Variants in HS6ST2 observed in about 807,000 individuals in gnomAD.
HS6ST2 encodes heparan sulfate 6-O-sulfotransferase 2.
HS6ST2 carries 17 observed loss-of-function variants against 33.0 expected under a neutral mutation model. The ratio of observed to expected loss-of-function variants is 0.52; its 90% CI spans 0.35 to 0.77. HS6ST2 has a LOEUF of 0.77. HS6ST2 is among the 30% of genes least tolerant of loss of function. The probability of loss-of-function intolerance (pLI) is 0.01; values close to 1 mark genes in which losing one functional copy is unlikely to be tolerated. For synonymous variants in HS6ST2, 248 were observed against 237.1 expected, an observed-to-expected ratio of 1.05 and a Z score of -0.42; for missense variants, 519 against 551.7, an observed-to-expected ratio of 0.94 and a Z score of 0.59.
At position 132,768,229 on chromosome X, in the gene HS6ST2, C is replaced by T. The variant is rs761045680; in HGVS notation, c.948-59735G>A. Among the ~76,000 whole-genome samples the T allele has an allele frequency of 9.6e-5, 10 of 104,428 alleles. No individual in the cohort carries two copies. The South Asian group carries it at 1.9e-3, about 20-fold the overall frequency. The allele number at this position is 104,428 out of a possible 115,157, so 90.7% of individuals were successfully genotyped here. A position where few individuals can be genotyped will look rare whatever the true frequency, so the allele number is the denominator to read the frequency against. On this transcript the variant is annotated intron_variant, in intron 2 of 4. Coordinates refer to ENST00000370833, the MANE Select transcript of HS6ST2 (RefSeq NM_001394073.1). Reference sequence around the variant, plus strand: ...GTGGACACCTTTAGTCCCAGCTACTCGGGGGCTAGGGTGGGAGAATCACTT... The same window carrying T: ...GTGGACACCTTTAGTCCCAGCTACTTGGGGGCTAGGGTGGGAGAATCACTT...
chrX:132,724,008 C>T (rs1014086756), intron 2 of HS6ST2, among the ~76,000 whole-genome samples: 3 of 111,240 alleles, frequency 2.7e-5, no homozygotes, highest in South Asian at 7.6e-4. Context: ...GGTGTGGTGG[C>T]GGGCGCCTGT....
intron 2 of HS6ST2, among the ~76,000 whole-genome samples, chrX:132,931,352 C>A (rs2066766866): frequency 8.9e-6 from 1 of 111,827 alleles, no homozygotes; most frequent in Admixed American, 9.5e-5. Flanking sequence ...TCCAGGCAAG[C>A]ATGGCCAAGA....
At chrX:132,746,419 C>T (rs1416581814) in intron 2 of HS6ST2, among the ~76,000 whole-genome samples, 4 of 110,837 alleles carry the variant, frequency 3.6e-5, no homozygotes, top group African/African-American at 1.3e-4. Flanking sequence ...AGGAGAATGG[C>T]GTGAACCCAG....
intron 2 of HS6ST2, among the ~76,000 whole-genome samples, chrX:132,872,849 TG>T (rs2066075785): frequency 9.0e-6 from 1 of 111,487 alleles, no homozygotes; most frequent in African/African-American, 3.3e-5. Context: ...AAGGTAACCA[TG>T]ATAAAATCGA....
At chrX:132,787,628 G>A (rs1329213621) in intron 2 of HS6ST2, among the ~76,000 whole-genome samples, 1 of 104,134 alleles carries the variant, frequency 9.6e-6, no homozygotes, top group Non-Finnish European at 2.0e-5. Flanking sequence ...AGAGGCTCAC[G>A]CCTGTAATCC....
At chrX:132,926,983 C>T (rs7058203) in intron 2 of HS6ST2, among the ~76,000 whole-genome samples, 8 of 110,735 alleles carry the variant, frequency 7.2e-5, no homozygotes, top group African/African-American at 9.9e-5. Context: ...AGTACTGAGC[C>T]CCCCCATCCA....
At chrX:132,858,724 T>C (rs1427980345) in intron 2 of HS6ST2, among the ~76,000 whole-genome samples, 2 of 112,221 alleles carry the variant, frequency 1.8e-5, no homozygotes, top group African/African-American at 6.5e-5. Flanking sequence ...GTGGAGATGG[T>C]GGAGAAGAGG....
intron 2 of HS6ST2, among the ~76,000 whole-genome samples, chrX:132,765,332 C>T (rs1327958374): frequency 8.9e-6 from 1 of 112,758 alleles, no homozygotes; most frequent in African/African-American, 3.2e-5. Flanking sequence ...TGGAGACACA[C>T]GTGTGTTAAT....
At chrX:132,754,651 C>A (rs756043445) in intron 2 of HS6ST2, among the ~76,000 whole-genome samples, 28 of 109,370 alleles carry the variant, frequency 2.6e-4, no homozygotes, top group Non-Finnish European at 4.8e-4. Flanking sequence ...TCTCTGACCT[C>A]ATGATCTGCC....
chrX:132,763,645 A>G (rs1027877626), intron 2 of HS6ST2, among the ~76,000 whole-genome samples: 6 of 111,975 alleles, frequency 5.4e-5, no homozygotes, highest in Non-Finnish European at 9.4e-5. Flanking sequence ...CAACTGTGAC[A>G]TGTCTAATCT....
chrX:132,723,165 T>C (rs2064352927), intron 2 of HS6ST2, among the ~76,000 whole-genome samples: 1 of 111,361 alleles, frequency 9.0e-6, no homozygotes, highest in Admixed American at 9.5e-5. Context: ...TAGCAAGTCA[T>C]GAGATCAAAG....
intron 3 of HS6ST2, among the ~76,000 whole-genome samples, chrX:132,678,160 C>A (rs1377279985): frequency 9.0e-6 from 1 of 111,622 alleles, no homozygotes; most frequent in South Asian, 3.8e-4. Context: ...CCAAGACCAG[C>A]TTGGGCAACA....
At chrX:132,662,503 CT>C (rs762876069) in intron 4 of HS6ST2, among the ~76,000 whole-genome samples, 154 of 111,997 alleles carry the variant, frequency 1.4e-3, no homozygotes, top group African/African-American at 4.6e-3. Flanking sequence ...CTGAGGACCC[CT>C]GTTCTAGAGA....
At chrX:132,629,811 A>G (rs1157911119) in intron 4 of HS6ST2, among the ~76,000 whole-genome samples, 1 of 111,988 alleles carries the variant, frequency 8.9e-6, no homozygotes, top group African/African-American at 3.2e-5. Flanking sequence ...TGCCAATGGC[A>G]TGTATGCAAG....
chrX:132,634,360 G>A (rs1029828066), intron 4 of HS6ST2, among the ~76,000 whole-genome samples: 31 of 112,013 alleles, frequency 2.8e-4, no homozygotes, highest in Non-Finnish European at 5.3e-4. Context: ...AAAATCATAC[G>A]CCACCTGTTT....
intron 2 of HS6ST2, among the ~76,000 whole-genome samples, chrX:132,894,766 C>T (rs1376791937): frequency 9.0e-6 from 1 of 111,136 alleles, no homozygotes; most frequent in Non-Finnish European, 1.9e-5. Context: ...GAGCTCCTGA[C>T]CTCAAGTGAT....
intron 2 of HS6ST2, among the ~76,000 whole-genome samples, chrX:132,762,232 C>T (rs190966972): frequency 1.8e-5 from 2 of 111,303 alleles, no homozygotes; most frequent in East Asian, 5.7e-4. Context: ...AATTCTAATG[C>T]TACTAGATAT....
At chrX:132,868,565 A>G (rs1427390958) in intron 2 of HS6ST2, among the ~76,000 whole-genome samples, 2 of 112,237 alleles carry the variant, frequency 1.8e-5, no homozygotes, top group African/African-American at 6.5e-5. Flanking sequence ...AAGAACAGAA[A>G]TCATAACAAA....
intron 2 of HS6ST2, among the ~76,000 whole-genome samples, chrX:132,886,934 A>C (rs1252859830): frequency 9.0e-6 from 1 of 110,937 alleles, no homozygotes; most frequent in Non-Finnish European, 1.9e-5. Flanking sequence ...CAGGAGTTTG[A>C]GACCAGCCTG....
Sources: allele counts gnomAD v4.1 joint callset (sites outside exome capture counted in the v4.1 genomes callset), GRCh38; gene constraint gnomAD v4.1.1; transcripts MANE v1.5; gene names NCBI Gene and HGNC (gene_info 2026-07-23, HGNC 2026-07-21).